The following ESRRA variants were observed in gnomAD, a reference collection of about 807,000 sequenced individuals.
ESRRA encodes steroid hormone receptor ERR1.
A neutral mutation model predicts 35.6 loss-of-function variants in ESRRA; 7 were observed. That is an observed-to-expected ratio of 0.20 (90% confidence interval 0.11 to 0.37). The LOEUF is 0.37. ESRRA is among the 10% of genes least tolerant of loss of function. The pLI is 1.00. For missense variants in ESRRA, 378 were observed against 561.7 expected (o/e 0.67, Z 3.31); for synonymous variants, 223 against 246.9 (o/e 0.90, Z 0.91).
chr11:64,311,602 G>T (rs941037983), intron 2 of ESRRA, among the ~76,000 whole-genome samples: 4 of 151,896 alleles, frequency 2.6e-5, no homozygotes, highest in Admixed American at 1.3e-4. Flanking sequence ...TTTTAGTAGA[G>T]ACTGGGTTTC....
chr11:64,315,658 C>T (rs2035235589), intron 6 of ESRRA, 49 bp from the exon 7 acceptor site: 1 of 1,603,396 alleles, frequency 6.2e-7, no homozygotes, highest in Non-Finnish European at 8.5e-7. Context: ...CGGGGAGTGC[C>T]CTTGCCAGAG....
Position 64,313,172 on chromosome 11 carries a change from G to A in ESRRA, c.326-779G>A, listed in dbSNP as rs138409194. ...GGGCAGGAGGCGGATTCTGGACCTT[G>A]GAGGAGGTAAAGCCCACCAGAATGT... On this transcript the variant is annotated intron_variant, in intron 2 of 6. Transcript: ENST00000000442. This position sits in a 1 kb window ranked among gnomAD's most constrained non-coding sequence, Gnocchi z 4.0. Among the ~76,000 whole-genome samples, 337 of 152,296 alleles carry A rather than the reference G, an allele frequency of 2.2e-3. 4 individuals carry two copies. In the Middle Eastern group the frequency reaches 0.037, roughly 17 times the overall value.
At position 64,313,719 on chromosome 11, in the gene ESRRA, G is replaced by C; in HGVS notation, c.326-232G>C. ...GAGGGCAGTGTGGTCCAGAGATGAGGCTTGGGGCTGAGATGCAGCCCCGCT... is the reference window on the plus strand; with the variant it reads ...GAGGGCAGTGTGGTCCAGAGATGAGCCTTGGGGCTGAGATGCAGCCCCGCT... On this transcript the variant is annotated intron_variant, in intron 2 of 6. Coordinates refer to ENST00000000442, the MANE Select transcript of ESRRA (RefSeq NM_004451.5). This position sits in a 1 kb window ranked among gnomAD's most constrained non-coding sequence, Gnocchi z 4.0. The C allele has an allele frequency of 2.0e-6, 1 of 503,316 alleles. No individual in the cohort carries two copies. The highest frequency in any genetic ancestry group is 2.9e-5 in the South Asian group (1 of 34,794). The allele number at this position is 503,316 out of a possible 1,614,324, so 31.2% of individuals were successfully genotyped here.
intron 2 of ESRRA, among the ~76,000 whole-genome samples, chr11:64,312,723 C>A (rs553046170): frequency 1.8e-4 from 28 of 152,252 alleles, no homozygotes; most frequent in African/African-American, 6.5e-4. Flanking sequence ...GAAGAGAAAC[C>A]AGAAGCAGGG....
intron 2 of ESRRA, among the ~76,000 whole-genome samples, chr11:64,308,833 G>C (rs563093403): frequency 1.0e-4 from 14 of 136,568 alleles, no homozygotes; most frequent in Non-Finnish European, 2.0e-4. Flanking sequence ...AAAAAAAAAA[G>C]GCTGGGCGCG....
chr11:64,310,947 A>G (rs2035129129), intron 2 of ESRRA, among the ~76,000 whole-genome samples: 1 of 152,206 alleles, frequency 6.6e-6, no homozygotes, highest in African/African-American at 2.4e-5. Flanking sequence ...GGGTGCGGGT[A>G]TCTCCTACCT....
In ESRRA at chr11:64,306,865, TG is replaced by T. The variant is rs1490243583; in HGVS notation, c.-12-298del. 132 of 282,988 alleles carry T rather than the reference TG, an allele frequency of 4.7e-4. 2 individuals are homozygous for T. In the Admixed American group the frequency reaches 6.9e-3, roughly 15 times the overall value. 17.5% of individuals were successfully genotyped at this position (282,988 alleles called of 1,614,324 possible). A position where few individuals can be genotyped will look rare whatever the true frequency, so the allele number is the denominator to read the frequency against. On this transcript the variant is annotated intron_variant, in intron 1 of 6. Transcript: ENST00000000442. ...ATTCCAGGTGGGGTTGAAGGTTGCCTGGGGGCTACGGTTACCCTGCTCCCTG... is the reference window on the plus strand; with the variant it reads ...ATTCCAGGTGGGGTTGAAGGTTGCCTGGGGCTACGGTTACCCTGCTCCCTG...
At chr11:64,311,097 C>T (rs577434811) in intron 2 of ESRRA, among the ~76,000 whole-genome samples, 1 of 152,350 alleles carries the variant, frequency 6.6e-6, no homozygotes, top group Admixed American at 6.5e-5. Context: ...TTAATTCTCA[C>T]GACCCAACTC....
chr11:64,306,592 G>A (rs2035038058), intron 1 of ESRRA: 1 of 152,830 alleles, frequency 6.5e-6, no homozygotes, highest in Non-Finnish European at 1.5e-5. Flanking sequence ...GTGAGCACAA[G>A]TGTGAGCAGG....
At position 64,313,897 on chromosome 11, in the gene ESRRA, G is replaced by C; in HGVS notation, c.326-54G>C. ...AGAGTCAGGGCTCTCCTGTCAGCTGGGTCCCCTCCCAGCCCCGGGAGGCCG... is the reference window on the plus strand; with the variant it reads ...AGAGTCAGGGCTCTCCTGTCAGCTGCGTCCCCTCCCAGCCCCGGGAGGCCG... On this transcript the variant is annotated intron_variant, in intron 2 of 6. Coordinates refer to ENST00000000442, the MANE Select transcript of ESRRA (RefSeq NM_004451.5). This position sits in a 1 kb window ranked among gnomAD's most constrained non-coding sequence, Gnocchi z 4.0. The C allele has an allele frequency of 2.3e-6, 3 of 1,299,992 alleles. No individual in the cohort carries two copies. Among genetic ancestry groups the C allele is most frequent in the Admixed American group, 4.3e-5 (2 of 46,932 alleles). 80.5% of individuals were successfully genotyped at this position (1,299,992 alleles called of 1,614,324 possible).
chr11:64,315,273 G>T lies in ESRRA; in HGVS notation c.1012+3G>T. The T allele has an allele frequency of 6.4e-7, 1 of 1,553,320 alleles. No individual in the cohort carries two copies. ...GGCCTTGGCCCTTGCCAATTCAGGT[G>T]AGTCTGGGGCAGGCACTGACAGGTG... On this transcript the variant is annotated splice_donor_region_variant and intron_variant, in intron 6 of 6. Coordinates refer to ENST00000000442, the MANE Select transcript of ESRRA (RefSeq NM_004451.5).
At chr11:64,308,995 A>T (rs564968537) in intron 2 of ESRRA, among the ~76,000 whole-genome samples, 1 of 151,802 alleles carries the variant, frequency 6.6e-6, no homozygotes, top group South Asian at 2.1e-4. Context: ...TGCGCCTGTC[A>T]TCCCACTCAA....
chr11:64,316,038 G>C lies in ESRRA; in HGVS notation c.*72G>C. On this transcript the variant is annotated 3_prime_UTR_variant, in exon 7 of 7. Coordinates refer to ENST00000000442, the MANE Select transcript of ESRRA (RefSeq NM_004451.5). ...TGGGGTCAGCCCCAAGGGCTGGGGC[G>C]GAGCTGGGGTCTGGGCAGTGCCACA... 1 of 1,495,294 alleles carries C rather than the reference G, an allele frequency of 6.7e-7. No individual in the cohort carries two copies. Among genetic ancestry groups the C allele is most frequent in the Non-Finnish European group, 9.0e-7 (1 of 1,113,694 alleles). The allele number at this position is 1,495,294 out of a possible 1,614,324, so 92.6% of individuals were successfully genotyped here.
intron 4 of ESRRA, 105 bp from the exon 5 acceptor site, chr11:64,314,636 C>A: frequency 8.6e-7 from 1 of 1,168,382 alleles, no homozygotes; most frequent in Non-Finnish European, 1.2e-6. Flanking sequence ...CACTGGACAG[C>A]TGCTACTGAG....
At chr11:64,311,042 T>C (rs1005285536) in intron 2 of ESRRA, among the ~76,000 whole-genome samples, 2 of 152,224 alleles carry the variant, frequency 1.3e-5, no homozygotes, top group Admixed American at 1.3e-4. Context: ...ATTGAGCACT[T>C]AGGTGTCATG....
intron 2 of ESRRA, among the ~76,000 whole-genome samples, chr11:64,312,936 G>A (rs1198995241): frequency 7.2e-5 from 11 of 152,196 alleles, no homozygotes; most frequent in African/African-American, 2.2e-4. Context: ...AAGCAGGGGC[G>A]TAGGCCTAGG....
In ESRRA at chr11:64,314,047, G is replaced by T; in HGVS notation, c.422G>T (p.Arg141Leu). ...GCCTGCCGCTTCACCAAGTGCCTGC[G>T]GGTGGGCATGCTCAAGGAGGGTGAG... The part of the protein sequence containing the change: ...CQACRFTKCL[R>L]VGMLKEGVRL... Residue 141 changes from arginine (R) to leucine (L), a missense_variant, in exon 3 of 7, where the codon CGG becomes CTG. Arg to Leu is a moderately radical substitution (Grantham distance 102, BLOSUM62 -2). Around this residue, in one of 4 missense-constraint regions of ESRRA, gnomAD observed 284 missense variants for 411.7 expected, o/e 0.69. Transcript: ENST00000000442. 2 of 1,591,312 alleles carry T rather than the reference G, an allele frequency of 1.3e-6. No homozygotes were observed. Among genetic ancestry groups the T allele is most frequent in the Non-Finnish European group, 1.7e-6 (2 of 1,168,494 alleles).
intron 2 of ESRRA, among the ~76,000 whole-genome samples, chr11:64,309,010 C>T (rs1183323228): frequency 6.6e-6 from 1 of 151,870 alleles, no homozygotes; most frequent in African/African-American, 2.4e-5. Context: ...ACTCAAGAGG[C>T]TGAGACAGGA....
intron 4 of ESRRA, 36 bp downstream of exon 4, chr11:64,314,403 G>C: frequency 6.6e-7 from 1 of 1,511,020 alleles, no homozygotes; most frequent in African/African-American, 1.4e-5. Context: ...CTACGAAACC[G>C]GAGGCCTATG....
Sources: gnomAD v4.1 joint callset for allele counts (sites outside exome capture counted in the v4.1 genomes callset) on GRCh38, gnomAD v4.1.1 for gene constraint, gnomAD v4.1.1 regional missense constraint, Gnocchi (gnomAD v3.1) non-coding constraint, MANE v1.5 for transcripts, NCBI Gene and HGNC (gene_info 2026-07-23, HGNC 2026-07-21) for gene names.